ARHGEF38: variants seen among roughly 807,000 people sequenced by gnomAD.
ARHGEF38 encodes Rho guanine nucleotide exchange factor (GEF) 38.
Under a neutral mutation model 79.9 loss-of-function variants are expected in ARHGEF38, and 79 were observed. The ratio of observed to expected loss-of-function variants is 0.99; its 90% CI spans 0.82 to 1.19. The LOEUF (loss-of-function observed/expected upper bound fraction) is 1.19, where lower values mean the gene tolerates loss of function less well. Among genes scored for constraint, ARHGEF38 ranks in the 50% most tolerant of loss-of-function variants. The pLI is 0.00. For missense variants in ARHGEF38, 962 were observed against 907.2 expected, an observed-to-expected ratio of 1.06 and a Z score of -0.78; for synonymous variants, 366 against 328.3, an observed-to-expected ratio of 1.11 and a Z score of -1.24.
rs1727202288 is a variant in ARHGEF38, at chr4:105,589,232, T to TA, written c.197-16_197-15insA. 1 of 1,600,376 alleles carries TA rather than the reference T, an allele frequency of 6.2e-7. No homozygotes were observed. Among genetic ancestry groups the TA allele is most frequent in the Non-Finnish European group, 8.5e-7 (1 of 1,175,654 alleles). ...CTCAGCAGAATGCCTCACCTGTATA[T>TA]GTTTTCATTTAACAGAAAAGATGAC... On this transcript the variant is annotated splice_polypyrimidine_tract_variant and intron_variant, in intron 1 of 13. Transcript: ENST00000420470.
chr4:105,558,922 A>G (rs1314223638), intron 1 of ARHGEF38, among the ~76,000 whole-genome samples: 1 of 151,934 alleles, frequency 6.6e-6, no homozygotes, highest in Non-Finnish European at 1.5e-5. Context: ...GGAGAGACAG[A>G]CAGAAACCAA....
At chr4:105,668,062 A>T (rs1730818667) in intron 13 of ARHGEF38, among the ~76,000 whole-genome samples, 1 of 152,184 alleles carries the variant, frequency 6.6e-6, no homozygotes, top group South Asian at 2.1e-4. Flanking sequence ...TGCTGCCATC[A>T]ATAGCACATG....
rs187395267 is a variant in ARHGEF38 at position 105,679,801 on chromosome 4, G to A, written c.*1864G>A. On this transcript the variant is annotated 3_prime_UTR_variant, in exon 14 of 14. Coordinates refer to ENST00000420470, the MANE Select transcript of ARHGEF38 (RefSeq NM_001242729.2). ...CCCCTGTCTGTCCAGCTTTACCCAC[G>A]CATCCAGAGAGATGGATATAGGACT... is the stretch of plus-strand genomic sequence containing the variant. 119 of 1,099,406 alleles carry A rather than the reference G, an allele frequency of 1.1e-4. No homozygotes were observed. The African/African-American group carries it at 1.3e-3, about 12-fold the overall frequency. The allele number at this position is 1,099,406 out of a possible 1,614,324, so 68.1% of individuals were successfully genotyped here. A position where few individuals can be genotyped will look rare whatever the true frequency, so the allele number is the denominator to read the frequency against.
chr4:105,569,651 G>C (rs995677503), intron 1 of ARHGEF38, among the ~76,000 whole-genome samples: 3 of 152,168 alleles, frequency 2.0e-5, no homozygotes, highest in African/African-American at 7.2e-5. Context: ...TGGTTAACAT[G>C]CAGGTTCAGG....
rs540783649 is a variant in ARHGEF38 at position 105,647,978 on chromosome 4, C to T, written c.875-571C>T. On this transcript the variant is annotated intron_variant, in intron 6 of 13. Coordinates refer to ENST00000420470, the MANE Select transcript of ARHGEF38 (RefSeq NM_001242729.2). Reference sequence around the variant, plus strand: ...GATCTCGGCTCACTGCAACCTCTGCCTCCTGGGTTCAAGAGATTGTCCTGC... The same window carrying T: ...GATCTCGGCTCACTGCAACCTCTGCTTCCTGGGTTCAAGAGATTGTCCTGC... Among the ~76,000 whole-genome samples the T allele has an allele frequency of 3.5e-3, 522 of 151,108 alleles. 5 individuals carry two copies. The highest frequency in any genetic ancestry group is 0.012 in the African/African-American group (496 of 40,970).
chr4:105,611,633 C>T (rs1728297603), intron 2 of ARHGEF38, among the ~76,000 whole-genome samples: 1 of 151,924 alleles, frequency 6.6e-6, no homozygotes, highest in South Asian at 2.1e-4. Context: ...ATTAAATATA[C>T]TTTCTAATAT....
intron 10 of ARHGEF38, among the ~76,000 whole-genome samples, chr4:105,664,014 A>C (rs1730661835): frequency 6.6e-6 from 1 of 151,918 alleles, no homozygotes; most frequent in South Asian, 2.1e-4. Flanking sequence ...AAAAACCCTA[A>C]AGCACATTTT....
In ARHGEF38 at chr4:105,596,720, C is replaced by G. The variant is rs535523841; in HGVS notation, c.384+7285C>G. 3.3e-5 allele frequency among the ~76,000 whole-genome samples: 5 copies of G among 152,326 alleles called. No individual in the cohort carries two copies. In the South Asian group the frequency reaches 1.0e-3, roughly 32 times the overall value. The stretch of plus-strand genomic sequence containing the variant: ...GTGAGCCCATTGCCGTCCTATACAA[C>G]AGGAACTGCAGCTTCAGCACGTCAT... On this transcript the variant is annotated intron_variant, in intron 2 of 13. Coordinates refer to ENST00000420470, the MANE Select transcript of ARHGEF38 (RefSeq NM_001242729.2).
intron 2 of ARHGEF38, 55 bp downstream of exon 2, chr4:105,589,490 A>G (rs1727221873): frequency 6.7e-7 from 1 of 1,486,254 alleles, no homozygotes; most frequent in East Asian, 2.3e-5. Flanking sequence ...TAGGATCACT[A>G]GCACCATGAA....
At chr4:105,614,381 G>A (rs539860516) in intron 3 of ARHGEF38, among the ~76,000 whole-genome samples, 8 of 152,096 alleles carry the variant, frequency 5.3e-5, no homozygotes, top group East Asian at 1.9e-4. Flanking sequence ...ACAAGTAACC[G>A]CTTGTTTGAT....
At chr4:105,613,319 T>A in intron 2 of ARHGEF38, 65 bp from the exon 3 acceptor site, 1 of 1,544,026 alleles carries the variant, frequency 6.5e-7, no homozygotes. Flanking sequence ...TGCTTACTGT[T>A]TAGGAGGAGA....
At chr4:105,553,759 G>C (rs967390378) in intron 1 of ARHGEF38, among the ~76,000 whole-genome samples, 4 of 152,104 alleles carry the variant, frequency 2.6e-5, no homozygotes, top group Non-Finnish European at 4.4e-5. Flanking sequence ...ATATTGGGCA[G>C]CATTTTAAGT....
intron 2 of ARHGEF38, among the ~76,000 whole-genome samples, chr4:105,590,745 T>G (rs985579611): frequency 6.6e-6 from 1 of 152,184 alleles, no homozygotes; most frequent in African/African-American, 2.4e-5. Context: ...AAAGTCAATA[T>G]GATTTTAATA....
intron 5 of ARHGEF38, among the ~76,000 whole-genome samples, chr4:105,637,936 A>G (rs1412064975): frequency 1.3e-5 from 2 of 152,140 alleles, no homozygotes; most frequent in Admixed American, 1.3e-4. Flanking sequence ...TACATCAAGA[A>G]CTAAAAAAGA....
chr4:105,589,066 C>A (rs1406853820), intron 1 of ARHGEF38, among the ~76,000 whole-genome samples, 182 bp from the exon 2 acceptor site: 1 of 152,174 alleles, frequency 6.6e-6, no homozygotes, highest in Non-Finnish European at 1.5e-5. Context: ...AAGTTCGCTC[C>A]CACTTTTCTT....
chr4:105,568,402 C>T lies in ARHGEF38; in HGVS notation c.196+15441C>T, dbSNP rs184317158. Among the ~76,000 whole-genome samples the T allele has an allele frequency of 3.0e-3, 455 of 151,716 alleles. 5 individuals carry two copies. Among genetic ancestry groups the T allele is most frequent in the Non-Finnish European group, 7.5e-4 (51 of 67,924 alleles). On this transcript the variant is annotated intron_variant, in intron 1 of 13. Transcript: ENST00000420470. ...TTTACACTGTTGGTGGGACTGTAAA[C>T]TAGTTCAACCATTGTGGAAGTCAGT...
chr4:105,614,324 C>T (rs17035987), intron 3 of ARHGEF38, among the ~76,000 whole-genome samples: 1,763 of 152,192 alleles, frequency 0.012, 30 homozygotes, highest in African/African-American at 0.04. Flanking sequence ...CGTAGAGTAA[C>T]GGTAAAATTT....
At chr4:105,619,779 G>T (rs1385357203) in intron 3 of ARHGEF38, among the ~76,000 whole-genome samples, 1 of 152,200 alleles carries the variant, frequency 6.6e-6, no homozygotes, top group East Asian at 1.9e-4. Flanking sequence ...GCCAAACGTT[G>T]TAGACAGACC....
intron 2 of ARHGEF38, among the ~76,000 whole-genome samples, chr4:105,594,219 A>G (rs773343663): frequency 1.3e-5 from 2 of 152,164 alleles, no homozygotes; most frequent in Non-Finnish European, 2.9e-5. Flanking sequence ...TATGACTCTT[A>G]TCAGCGTTTA....
Sources: allele counts gnomAD v4.1 joint callset (sites outside exome capture counted in the v4.1 genomes callset), GRCh38; gene constraint gnomAD v4.1.1; transcripts MANE v1.5; gene names NCBI Gene and HGNC (gene_info 2026-07-23, HGNC 2026-07-21).